The following ZDHHC8 variants were observed in gnomAD, a reference collection of about 807,000 sequenced individuals.
ZDHHC8 encodes zDHHC palmitoyltransferase 8.
Under a neutral mutation model 61.2 loss-of-function variants are expected in ZDHHC8, and 24 were observed. The ratio of observed to expected loss-of-function variants is 0.39; its 90% CI spans 0.28 to 0.55. ZDHHC8 has a LOEUF of 0.55. ZDHHC8 is among the 20% of genes least tolerant of loss of function. The probability of loss-of-function intolerance (pLI) is 0.60; values close to 1 mark genes in which losing one functional copy is unlikely to be tolerated. For synonymous variants in ZDHHC8, 523 were observed against 492.5 expected, an observed-to-expected ratio of 1.06 and a Z score of -0.82; for missense variants, 935 against 1,102.1, an observed-to-expected ratio of 0.85 and a Z score of 2.15.
At position 20,143,142 on chromosome 22, in the gene ZDHHC8, C is replaced by T; in HGVS notation, c.1512C>T (p.Tyr504=). The change falls in exon 10 of 11, where the codon TAC becomes TAT. Residue 504 remains tyrosine, a synonymous_variant. Transcript: ENST00000334554. ...ACCCAGCAGTTGGCGTGGCCGGATACCACTCACCCTACCTGCATCCTGGGG... is the reference window on the plus strand; with the variant it reads ...ACCCAGCAGTTGGCGTGGCCGGATATCACTCACCCTACCTGCATCCTGGGG... ...PAHPAVGVAG[Y]HSPYLHPGAT... 6.2e-7 allele frequency: 1 copy of T among 1,611,902 alleles called. No homozygotes were observed. Among genetic ancestry groups the T allele is most frequent in the South Asian group, 1.1e-5 (1 of 91,084 alleles).
intron 1 of ZDHHC8, 52 bp from the exon 2 acceptor site, chr22:20,139,142 C>T (rs2050445226): frequency 6.3e-7 from 1 of 1,586,396 alleles, no homozygotes; most frequent in Non-Finnish European, 8.6e-7. Flanking sequence ...TCTGCGCCTG[C>T]ATCCGCTCTG....
Position 20,145,221 on chromosome 22 carries a change from T to C in ZDHHC8, c.2127-8T>C, listed in dbSNP as rs1234830330. On this transcript the variant is annotated splice_polypyrimidine_tract_variant and splice_region_variant and intron_variant, in intron 10 of 10. Transcript: ENST00000334554. ...TGTGCATGTGTGTATGTGCTTGTTT[T>C]GATGCAGGGACCACCCTCAGCTGAA... The C allele has an allele frequency of 6.8e-7, 1 of 1,480,810 alleles. No homozygotes were observed. The highest frequency in any genetic ancestry group is 1.4e-5 in the African/African-American group (1 of 69,608). The allele number at this position is 1,480,810 out of a possible 1,614,324, so 91.7% of individuals were successfully genotyped here. A position where few individuals can be genotyped will look rare whatever the true frequency, so the allele number is the denominator to read the frequency against.
At chr22:20,140,383 C>T in intron 5 of ZDHHC8, 166 bp downstream of exon 5, 1 of 791,966 alleles carries the variant, frequency 1.3e-6, no homozygotes, top group Non-Finnish European at 2.0e-6. Flanking sequence ...CTGCCCCGTC[C>T]CCTGCGCACA....
At position 20,143,098 on chromosome 22, in the gene ZDHHC8, G is replaced by T; in HGVS notation, c.1468G>T (p.Gly490Cys). The T allele has an allele frequency of 6.2e-7, 1 of 1,612,330 alleles. No homozygotes were observed. The highest frequency in any genetic ancestry group is 8.5e-7 in the Non-Finnish European group (1 of 1,179,840). The change falls in exon 10 of 11, where the codon GGC becomes TGC. Residue 490 changes from glycine to cysteine, a missense_variant. This residue lies in a region of ZDHHC8 where 692 missense variants were observed against 731.4 expected (regional missense o/e 0.95). Transcript: ENST00000334554. ...CCTGCTCAATCCTGGCTCGCCTGGT[G>T]GCCACGCCTGCCCTGCCCACCCAGC... is the stretch of plus-strand genomic sequence containing the variant. ...DSLLNPGSPG[G>C]HACPAHPAVG...
intron 8 of ZDHHC8, 35 bp from the exon 9 acceptor site, chr22:20,141,386 T>G: frequency 1.2e-6 from 2 of 1,612,126 alleles, no homozygotes; most frequent in Non-Finnish European, 1.7e-6. Flanking sequence ...TTGACCCTCC[T>G]CTGACCTCAG....
rs1423798403 is a variant in ZDHHC8 at position 20,132,046 on chromosome 22, G to A, written c.99G>A (p.Val33=). 1 of 1,326,416 alleles carries A rather than the reference G, an allele frequency of 7.5e-7. No individual in the cohort carries two copies. The highest frequency in any genetic ancestry group is 2.4e-5 in the Admixed American group (1 of 42,320). 82.2% of individuals were successfully genotyped at this position (1,326,416 alleles called of 1,614,324 possible). Residue 33 remains valine (V), a synonymous_variant, in exon 1 of 11, where the codon GTG becomes GTA. Transcript: ENST00000334554. ...TCGGCTCCAGCACCCTCTTCTTCGTGTTCACGTGAGTCGGCGCCGCGTCTG... is the reference window on the plus strand; with the variant it reads ...TCGGCTCCAGCACCCTCTTCTTCGTATTCACGTGAGTCGGCGCCGCGTCTG... ...LLVGSSTLFF[V]FTCPWLTRAV... is the part of the protein sequence containing the mutation.
Position 20,147,318 on chromosome 22 carries a change from C to A in ZDHHC8, c.*1918C>A. The A allele has an allele frequency of 1.5e-6, 2 of 1,305,650 alleles. No individual in the cohort carries two copies. The highest frequency in any genetic ancestry group is 2.0e-6 in the Non-Finnish European group (2 of 996,978). 80.9% of individuals were successfully genotyped at this position (1,305,650 alleles called of 1,614,324 possible). A position where few individuals can be genotyped will look rare whatever the true frequency, so the allele number is the denominator to read the frequency against. On this transcript the variant is annotated 3_prime_UTR_variant, in exon 11 of 11. Coordinates refer to ENST00000334554, the MANE Select transcript of ZDHHC8 (RefSeq NM_013373.4). ...GACTGCAGTGGACCCTGGGGCAGGG[C>A]TGGGGGTGGGCTGGGCTCTCTGCTC...
At position 20,141,252 on chromosome 22, in the gene ZDHHC8, A is replaced by G. The variant is rs760283860; in HGVS notation, c.930A>G (p.Pro310=). The change falls in exon 8 of 11, where the codon CCA becomes CCG. Residue 310 remains proline, a synonymous_variant. Transcript: ENST00000334554. ...KGSLDRLDEK[P]LDLGPPLPPK... is the part of the protein sequence containing the mutation. Reference sequence around the variant, plus strand: ...GCCTGGACCGGCTGGATGAGAAGCCACTGGACTTGGGGCCACCACTGCCCC... The same window carrying G: ...GCCTGGACCGGCTGGATGAGAAGCCGCTGGACTTGGGGCCACCACTGCCCC... The G allele has an allele frequency of 2.5e-6, 4 of 1,612,568 alleles. No individual in the cohort carries two copies. The South Asian group carries it at 3.3e-5, about 13-fold the overall frequency.
Position 20,139,787 on chromosome 22 carries a change from T to A in ZDHHC8, c.452T>A (p.Leu151Gln). ...CGTCGAAACTATCGCTACTTCTTCCTGTTCCTGCTGTCACTCAGTGCACAC... is the reference window on the plus strand; with the variant it reads ...CGTCGAAACTATCGCTACTTCTTCCAGTTCCTGCTGTCACTCAGTGCACAC... ...IGRRNYRYFF[L>Q]FLLSLSAHMV... Residue 151 changes from leucine to glutamine, a missense_variant, in exon 4 of 11, where the codon CTG becomes CAG. Leu to Gln is a moderately radical substitution (Grantham distance 113). This residue lies in a region of ZDHHC8 where 199 missense variants were observed against 334.0 expected (regional missense o/e 0.60). Coordinates refer to ENST00000334554, the MANE Select transcript of ZDHHC8 (RefSeq NM_013373.4). 1 of 1,613,256 alleles carries A rather than the reference T, an allele frequency of 6.2e-7. No individual in the cohort carries two copies. The highest frequency in any genetic ancestry group is 8.5e-7 in the Non-Finnish European group (1 of 1,180,030).
In ZDHHC8 at chr22:20,139,548, C is replaced by T. The variant is rs2050449198; in HGVS notation, c.297C>T (p.Ile99=). The part of the protein sequence containing the change: ...PLYKNVDVRG[I]QVRMKWCATC... ...ACAAGAACGTGGATGTGCGAGGTAT[C>T]CAGGTCCGCATGAAGTGGTGTGCCA... is the stretch of plus-strand genomic sequence containing the variant. Residue 99 remains isoleucine (I), a synonymous_variant, in exon 3 of 11, where the codon ATC becomes ATT. Transcript: ENST00000334554. 1 of 1,613,488 alleles carries T rather than the reference C, an allele frequency of 6.2e-7. No homozygotes were observed. Among genetic ancestry groups the T allele is most frequent in the South Asian group, 1.1e-5 (1 of 91,086 alleles).
Position 20,145,750 on chromosome 22 carries a change from G to C in ZDHHC8, c.*350G>C. Reference sequence around the variant, plus strand: ...CCATCACCCAGCACCCCAGATCACCGCCAGGCCAGCCCCCAATGGTCCCCT... The same window carrying C: ...CCATCACCCAGCACCCCAGATCACCCCCAGGCCAGCCCCCAATGGTCCCCT... On this transcript the variant is annotated 3_prime_UTR_variant, in exon 11 of 11. Coordinates refer to ENST00000334554, the MANE Select transcript of ZDHHC8 (RefSeq NM_013373.4). The C allele has an allele frequency of 1.0e-6, 1 of 1,004,262 alleles. No homozygotes were observed. Among genetic ancestry groups the C allele is most frequent in the Non-Finnish European group, 1.2e-6 (1 of 842,620 alleles). 62.2% of individuals were successfully genotyped at this position (1,004,262 alleles called of 1,614,324 possible). A position where few individuals can be genotyped will look rare whatever the true frequency, so the allele number is the denominator to read the frequency against.
chr22:20,133,676 C>T (rs1243588147), intron 1 of ZDHHC8, among the ~76,000 whole-genome samples: 3 of 148,264 alleles, frequency 2.0e-5, no homozygotes, highest in Admixed American at 6.8e-5. Flanking sequence ...GAGCCGAAAT[C>T]GCACCACTGC....
chr22:20,143,696 A>G lies in ZDHHC8; in HGVS notation c.2066A>G (p.Lys689Arg), dbSNP rs2050497046. The change falls in exon 10 of 11, where the codon AAA (lysine) becomes AGA (arginine). Residue 689 changes from lysine to arginine, a missense_variant. By Grantham distance (26) the Lys-to-Arg change is conservative (BLOSUM62 2). Transcript: ENST00000334554. ...TPHSPSYAGPKAVAFIHTDLP... is the reference protein window; with the variant it reads ...TPHSPSYAGPRAVAFIHTDLP... ...CACTCACCATCCTACGCGGGCCCCA[A>G]AGCTGTCGCCTTCATCCACACGGAC... 2 of 1,610,470 alleles carry G rather than the reference A, an allele frequency of 1.2e-6. No homozygotes were observed. Among genetic ancestry groups the G allele is most frequent in the Non-Finnish European group, 1.7e-6 (2 of 1,179,612 alleles).
chr22:20,145,656 G>T lies in ZDHHC8; in HGVS notation c.*256G>T. 8.9e-7 allele frequency: 1 copy of T among 1,127,142 alleles called. No individual in the cohort carries two copies. Among genetic ancestry groups the T allele is most frequent in the Non-Finnish European group, 1.1e-6 (1 of 920,534 alleles). 69.8% of individuals were successfully genotyped at this position (1,127,142 alleles called of 1,614,324 possible). On this transcript the variant is annotated 3_prime_UTR_variant, in exon 11 of 11. Coordinates refer to ENST00000334554, the MANE Select transcript of ZDHHC8 (RefSeq NM_013373.4). Reference sequence around the variant, plus strand: ...TGGTCTGTGTCTGGGCCTGTCCCATGGCTGGGGCAGTGAGGGGGCCCAGTC... The same window carrying T: ...TGGTCTGTGTCTGGGCCTGTCCCATTGCTGGGGCAGTGAGGGGGCCCAGTC...
In ZDHHC8 at chr22:20,147,055, C is replaced by A. The variant is rs937211444; in HGVS notation, c.*1655C>A. The A allele has an allele frequency of 2.0e-6, 3 of 1,465,426 alleles. No individual in the cohort carries two copies. The highest frequency in any genetic ancestry group is 1.4e-5 in the South Asian group (1 of 73,512). 90.8% of individuals were successfully genotyped at this position (1,465,426 alleles called of 1,614,324 possible). ...TGGCACCTGCACCCGTGGATGGGGG[C>A]GGCGTGGCCAGCCTTGGGTGCCTCC... On this transcript the variant is annotated 3_prime_UTR_variant, in exon 11 of 11. Transcript: ENST00000334554.
At chr22:20,134,427 T>C (rs1450201226) in intron 1 of ZDHHC8, among the ~76,000 whole-genome samples, 1 of 152,226 alleles carries the variant, frequency 6.6e-6, no homozygotes, top group African/African-American at 2.4e-5. Context: ...TGATTCTGGG[T>C]AGGCAGGGGT....
rs2050519127 is a variant in ZDHHC8, at chr22:20,146,010, G to A, written c.*610G>A. The A allele has an allele frequency of 1.0e-6, 1 of 985,924 alleles. No individual in the cohort carries two copies. Among genetic ancestry groups the A allele is most frequent in the East Asian group, 1.1e-4 (1 of 8,816 alleles). The allele number at this position is 985,924 out of a possible 1,614,324, so 61.1% of individuals were successfully genotyped here. ...GGCCAGCCAGCCAGCTGTGGCCGGGGGCCCGGCTCCATGTGTCCCGTGTCT... is the reference window on the plus strand; with the variant it reads ...GGCCAGCCAGCCAGCTGTGGCCGGGAGCCCGGCTCCATGTGTCCCGTGTCT... On this transcript the variant is annotated 3_prime_UTR_variant, in exon 11 of 11. Transcript: ENST00000334554.
chr22:20,139,124 C>A, intron 1 of ZDHHC8, 70 bp from the exon 2 acceptor site: 1 of 1,550,344 alleles, frequency 6.5e-7, no homozygotes, highest in East Asian at 2.2e-5. Flanking sequence ...CCTGCCGCAC[C>A]ACATAGCTCT....
In ZDHHC8 at chr22:20,146,038, G is replaced by A; in HGVS notation, c.*638G>A. On this transcript the variant is annotated 3_prime_UTR_variant, in exon 11 of 11. Coordinates refer to ENST00000334554, the MANE Select transcript of ZDHHC8 (RefSeq NM_013373.4). ...CCGGCTCCATGTGTCCCGTGTCTGTGTGCTGTGCTGCCGCGCCGTGTCTGA... is the reference window on the plus strand; with the variant it reads ...CCGGCTCCATGTGTCCCGTGTCTGTATGCTGTGCTGCCGCGCCGTGTCTGA... 1.0e-6 allele frequency: 1 copy of A among 986,052 alleles called. No individual in the cohort carries two copies. The highest frequency in any genetic ancestry group is 4.7e-5 in the South Asian group (1 of 21,298). 61.1% of individuals were successfully genotyped at this position (986,052 alleles called of 1,614,324 possible). A position where few individuals can be genotyped will look rare whatever the true frequency, so the allele number is the denominator to read the frequency against.
Sources: allele counts gnomAD v4.1 joint callset (sites outside exome capture counted in the v4.1 genomes callset), GRCh38; gene constraint gnomAD v4.1.1; regional missense constraint gnomAD v4.1.1; transcripts MANE v1.5; gene names NCBI Gene and HGNC (gene_info 2026-07-23, HGNC 2026-07-21).